Variants in LRRTM3 observed in about 807,000 individuals in gnomAD.
LRRTM3 encodes the protein leucine rich repeat transmembrane neuronal 3.
A neutral mutation model predicts 44.7 loss-of-function variants in LRRTM3; 24 were observed. The ratio of observed to expected loss-of-function variants is 0.54; its 90% CI spans 0.39 to 0.76. LRRTM3 has a LOEUF of 0.76. Ranked by LOEUF, LRRTM3 falls within the 30% of genes least tolerant of loss-of-function variation. The pLI is 0.00. For missense variants in LRRTM3, 587 were observed against 702.2 expected (o/e 0.84, Z 1.85); for synonymous variants, 277 against 278.7 (o/e 0.99, Z 0.06).
intron 2 of LRRTM3, among the ~76,000 whole-genome samples, chr10:66,966,963 A>G (rs998371430): frequency 6.6e-6 from 1 of 152,024 alleles, no homozygotes; most frequent in African/African-American, 2.4e-5. Context: ...TTGTATTTGG[A>G]TATCATGGCC....
At chr10:67,058,943 C>CA (rs1191858196) in intron 2 of LRRTM3, among the ~76,000 whole-genome samples, 6 of 151,852 alleles carry the variant, frequency 4.0e-5, no homozygotes, top group Non-Finnish European at 8.8e-5. Context: ...CATAAATCAC[C>CA]AAAAAAAGGC....
At chr10:66,996,649 C>CAAAAAAAAAAAAAAAAAAAAAAAAAAAA (rs57025097) in intron 2 of LRRTM3, among the ~76,000 whole-genome samples, 1 of 67,644 alleles carries the variant, frequency 1.5e-5, no homozygotes, top group Non-Finnish European at 2.5e-5. Flanking sequence ...TCCGTCTCTA[C>CAAAAAAAAAAAAAAAAAAAAAAAAAAAA]AAAAAAAAAA....
intron 2 of LRRTM3, among the ~76,000 whole-genome samples, chr10:67,047,286 A>G (rs894852023): frequency 1.3e-5 from 2 of 152,198 alleles, no homozygotes; most frequent in Admixed American, 1.3e-4. Flanking sequence ...GGTATTGACT[A>G]GTGAGATTAA....
intron 2 of LRRTM3, among the ~76,000 whole-genome samples, chr10:67,042,431 T>G (rs1167337569): frequency 6.6e-6 from 1 of 152,172 alleles, no homozygotes; most frequent in African/African-American, 2.4e-5. Context: ...GAGTATCACA[T>G]TATTTGAGTT....
chr10:67,047,600 C>T (rs10762132), intron 2 of LRRTM3, among the ~76,000 whole-genome samples: 18,321 of 151,954 alleles, frequency 0.12, 1,317 homozygotes, highest in African/African-American at 0.21. Context: ...TTCAGGCTCT[C>T]GTATAGGCAA....
At chr10:67,075,464 C>G (rs10509280) in intron 2 of LRRTM3, among the ~76,000 whole-genome samples, 52,894 of 151,950 alleles carry the variant, frequency 0.35, 9,603 homozygotes, top group Middle Eastern at 0.56. Context: ...GGACACCTGC[C>G]ACTATTAAGA....
At chr10:67,001,933 G>C (rs982872819) in intron 2 of LRRTM3, among the ~76,000 whole-genome samples, 28 of 152,130 alleles carry the variant, frequency 1.8e-4, no homozygotes, top group African/African-American at 6.5e-4. Flanking sequence ...TTCAGTCAGG[G>C]CTTCACCATG....
At chr10:67,038,512 G>T (rs981016016) in intron 2 of LRRTM3, among the ~76,000 whole-genome samples, 1 of 152,058 alleles carries the variant, frequency 6.6e-6, no homozygotes, top group Non-Finnish European at 1.5e-5. Flanking sequence ...TGAAAATGAG[G>T]TTGATATATA....
intron 2 of LRRTM3, among the ~76,000 whole-genome samples, chr10:67,070,325 A>G (rs1856369911): frequency 1.3e-5 from 2 of 152,160 alleles, no homozygotes; most frequent in Admixed American, 6.5e-5. Context: ...GTGTATTAAG[A>G]ATATCTTCTC....
chr10:67,091,106 A>G (rs1463268255), intron 2 of LRRTM3, among the ~76,000 whole-genome samples: 3 of 152,002 alleles, frequency 2.0e-5, no homozygotes, highest in Non-Finnish European at 2.9e-5. Flanking sequence ...GCCTGTATAT[A>G]AAGGTCAAGC....
At chr10:66,949,965 A>T (rs907250625) in intron 2 of LRRTM3, among the ~76,000 whole-genome samples, 25 of 152,308 alleles carry the variant, frequency 1.6e-4, no homozygotes, top group African/African-American at 5.8e-4. Context: ...CAGCTCAGAA[A>T]GTTCTAACAT....
At chr10:67,078,155 G>C (rs188933611) in intron 2 of LRRTM3, among the ~76,000 whole-genome samples, 225 of 152,262 alleles carry the variant, frequency 1.5e-3, no homozygotes, top group African/African-American at 5.2e-3. Context: ...TATTCTGAAA[G>C]TCTCCAAATA....
At chr10:67,080,946 A>C (rs1334454086) in intron 2 of LRRTM3, among the ~76,000 whole-genome samples, 2 of 151,858 alleles carry the variant, frequency 1.3e-5, no homozygotes, top group Non-Finnish European at 2.9e-5. Flanking sequence ...CAAAAAAAAA[A>C]AAACAAAGAA....
intron 2 of LRRTM3, among the ~76,000 whole-genome samples, chr10:66,969,628 G>GA (rs1161032365): frequency 5.9e-5 from 9 of 152,048 alleles, no homozygotes; most frequent in Admixed American, 2.0e-4. Context: ...CAGTAGTTAT[G>GA]AAAATTTTTA....
intron 2 of LRRTM3, among the ~76,000 whole-genome samples, chr10:67,038,227 T>C (rs1854184978): frequency 6.6e-6 from 1 of 152,144 alleles, no homozygotes; most frequent in Non-Finnish European, 1.5e-5. Flanking sequence ...TTTATTGTTG[T>C]TGTTGATTAG....
At position 67,100,278 on chromosome 10, in the gene LRRTM3, A is replaced by G. The variant is rs777801136; in HGVS notation, c.*2482A>G. ...TCACCTTGGAACCACAGCTCTGTGC[A>G]ACCAAGGCCCTAAGCTACACCAAAT... On this transcript the variant is annotated 3_prime_UTR_variant, in exon 3 of 3. Transcript: ENST00000361320. 1.5e-4 allele frequency among the ~76,000 whole-genome samples: 23 copies of G among 151,792 alleles called. No individual in the cohort carries two copies. Among genetic ancestry groups the G allele is most frequent in the Non-Finnish European group, 2.5e-4 (17 of 67,816 alleles).
chr10:66,927,340 T>C lies in LRRTM3; in HGVS notation c.424T>C (p.Tyr142His), dbSNP rs1357276483. 6.2e-7 allele frequency: 1 copy of C among 1,614,214 alleles called. No homozygotes were observed. Among genetic ancestry groups the C allele is most frequent in the Non-Finnish European group, 8.5e-7 (1 of 1,180,034 alleles). Reference sequence around the variant, plus strand: ...AAATTTACGGAACTTGGATCTGTCCTATAATCAGCTGCATTCTCTGGGATC... The same window carrying C: ...AAATTTACGGAACTTGGATCTGTCCCATAATCAGCTGCATTCTCTGGGATC... Reference protein sequence around the residue: ...VTNLRNLDLSYNQLHSLGSEQ... With the variant: ...VTNLRNLDLSHNQLHSLGSEQ... The change falls in exon 2 of 3, where the codon TAT (tyrosine) becomes CAT (histidine). Residue 142 changes from tyrosine (Y) to histidine (H), a missense_variant. Physicochemically the swap from Tyr to His is moderately conservative, Grantham distance 83. Coordinates refer to ENST00000361320, the MANE Select transcript of LRRTM3 (RefSeq NM_178011.5). This position sits in a 1 kb window ranked among gnomAD's most constrained non-coding sequence, Gnocchi z 4.7.
At chr10:67,067,120 T>C (rs933802906) in intron 2 of LRRTM3, among the ~76,000 whole-genome samples, 1 of 152,226 alleles carries the variant, frequency 6.6e-6, no homozygotes, top group Non-Finnish European at 1.5e-5. Context: ...AGTCATTATG[T>C]ATTCATAAAT....
intron 2 of LRRTM3, among the ~76,000 whole-genome samples, chr10:66,944,318 C>G (rs1485148494): frequency 6.6e-6 from 1 of 152,182 alleles, no homozygotes; most frequent in Non-Finnish European, 1.5e-5. Context: ...CCATAAGCAG[C>G]AACTCCTCAT....
Sources: allele counts gnomAD v4.1 joint callset (sites outside exome capture counted in the v4.1 genomes callset), GRCh38; gene constraint gnomAD v4.1.1; non-coding constraint Gnocchi (gnomAD v3.1); transcripts MANE v1.5; gene names NCBI Gene and HGNC (gene_info 2026-07-23, HGNC 2026-07-21).